CNBD1: variants seen among roughly 807,000 people sequenced by gnomAD.
CNBD1 encodes the protein cyclic nucleotide-binding domain-containing protein 1.
A neutral mutation model predicts 54.4 loss-of-function variants in CNBD1; 71 were observed. That is an observed-to-expected ratio of 1.30 (90% confidence interval 1.08 to 1.59). The LOEUF (loss-of-function observed/expected upper bound fraction) is 1.59, where lower values mean the gene tolerates loss of function less well. Ranked by LOEUF, CNBD1 falls within the 40% of genes most tolerant of loss-of-function variation. The pLI is 0.00. For missense variants in CNBD1, 659 were observed against 518.0 expected (o/e 1.27, Z -2.64); for synonymous variants, 182 against 170.7 (o/e 1.07, Z -0.51).
At chr8:87,327,624 G>T (rs376703920) in intron 8 of CNBD1, among the ~76,000 whole-genome samples, 8 of 152,300 alleles carry the variant, frequency 5.3e-5, no homozygotes, top group East Asian at 1.9e-4. Flanking sequence ...GACCCCTTGC[G>T]CTTCCCAGGT....
intron 10 of CNBD1, among the ~76,000 whole-genome samples, chr8:87,358,114 C>G (rs1645224559): frequency 1.3e-5 from 2 of 152,162 alleles, no homozygotes; most frequent in South Asian, 2.1e-4. Flanking sequence ...TGGTGCCATG[C>G]TTGTACAACT....
At chr8:87,057,267 A>C (rs1810435564) in intron 4 of CNBD1, among the ~76,000 whole-genome samples, 1 of 152,146 alleles carries the variant, frequency 6.6e-6, no homozygotes, top group African/African-American at 2.4e-5. Context: ...ATGGTGGAAA[A>C]GGAAGCAAAC....
chr8:87,243,997 G>T (rs576165992), intron 6 of CNBD1, among the ~76,000 whole-genome samples: 122 of 152,134 alleles, frequency 8.0e-4, no homozygotes, highest in African/African-American at 2.9e-3. Flanking sequence ...TTTGAGACAG[G>T]TCTCAGTTAA....
At chr8:87,281,522 C>T (rs1239489500) in intron 6 of CNBD1, among the ~76,000 whole-genome samples, 1 of 111,804 alleles carries the variant, frequency 8.9e-6, no homozygotes, top group South Asian at 3.1e-4. Flanking sequence ...TTTTTTTCAT[C>T]AGAATTCTTC....
At chr8:87,363,583 A>G (rs1051453165) in intron 10 of CNBD1, among the ~76,000 whole-genome samples, 3 of 151,944 alleles carry the variant, frequency 2.0e-5, no homozygotes, top group African/African-American at 7.3e-5. Context: ...TGTGGTTTTG[A>G]TTTGCATTTC....
At chr8:87,401,354 T>G (rs183871184) in intron 2 of CNBD1, among the ~76,000 whole-genome samples, 12 of 152,064 alleles carry the variant, frequency 7.9e-5, no homozygotes, top group African/African-American at 2.9e-4. Flanking sequence ...AAGGGGAAAG[T>G]GTCAATGCCC....
At chr8:87,189,406 G>C (rs1049227699) in intron 4 of CNBD1, among the ~76,000 whole-genome samples, 1 of 152,034 alleles carries the variant, frequency 6.6e-6, no homozygotes, top group Non-Finnish European at 1.5e-5. Flanking sequence ...TGTGCAGTTG[G>C]CAGACAAGCC....
intron 4 of CNBD1, among the ~76,000 whole-genome samples, chr8:87,184,176 G>T (rs1407283054): frequency 6.6e-6 from 1 of 152,142 alleles, no homozygotes; most frequent in African/African-American, 2.4e-5. Flanking sequence ...GTGCCAGCAG[G>T]GATTCATCTG....
chr8:86,894,634 A>C (rs906412375), intron 2 of CNBD1, among the ~76,000 whole-genome samples: 11 of 152,170 alleles, frequency 7.2e-5, no homozygotes, highest in Non-Finnish European at 1.6e-4. Context: ...ACGTGTGTTC[A>C]ATGTTACAGA....
intron 5 of CNBD1, among the ~76,000 whole-genome samples, chr8:87,212,937 T>C (rs1162747743): frequency 6.6e-6 from 1 of 152,150 alleles, no homozygotes; most frequent in Non-Finnish European, 1.5e-5. Flanking sequence ...TGGAACACAG[T>C]ACTTGCAAAT....
chr8:87,331,752 A>T (rs1809837268), intron 8 of CNBD1, among the ~76,000 whole-genome samples: 1 of 152,206 alleles, frequency 6.6e-6, no homozygotes. Flanking sequence ...AATAATTGCC[A>T]TTCTGACTGG....
At position 87,166,887 on chromosome 8, in the gene CNBD1, A is replaced by AT. The variant is rs200282504; in HGVS notation, c.432-39099dup. ...AGTATAGTATGTAACTATATATTTA[A>AT]TTTTTTTATTACAAAGGGAATTATA... On this transcript the variant is annotated intron_variant, in intron 4 of 10. Coordinates refer to ENST00000518476, the MANE Select transcript of CNBD1 (RefSeq NM_173538.3). This position sits in a 1 kb window ranked among gnomAD's most constrained non-coding sequence, Gnocchi z 4.3. Among the ~76,000 whole-genome samples the AT allele has an allele frequency of 0.031, 4,628 of 151,674 alleles. 233 individuals are homozygous for AT. Among genetic ancestry groups the AT allele is most frequent in the African/African-American group, 0.1 (4,230 of 41,228 alleles).
intron 4 of CNBD1, among the ~76,000 whole-genome samples, chr8:87,115,889 G>C (rs917396876): frequency 2.0e-5 from 3 of 151,966 alleles, no homozygotes; most frequent in African/African-American, 7.3e-5. Flanking sequence ...ACTGTGCATC[G>C]GGCCTTCTGT....
chr8:86,962,128 A>G (rs1326068467), intron 4 of CNBD1, among the ~76,000 whole-genome samples: 2 of 152,188 alleles, frequency 1.3e-5, no homozygotes, highest in Non-Finnish European at 2.9e-5. Flanking sequence ...AAATGAATCA[A>G]TGATGCCTCC....
At position 87,077,412 on chromosome 8, in the gene CNBD1, CTTT is replaced by C. The variant is rs374931620; in HGVS notation, c.432-128565_432-128563del. ...TCTTAGGCCTCTTCTTCTTCTTCTT[CTTT>C]TTTTTTTTTTTTTTTATTATACTTT... On this transcript the variant is annotated intron_variant, in intron 4 of 10. Coordinates refer to ENST00000518476, the MANE Select transcript of CNBD1 (RefSeq NM_173538.3). Among the ~76,000 whole-genome samples the C allele has an allele frequency of 2.5e-3, 327 of 129,556 alleles. 1 individual carries two copies. The highest frequency in any genetic ancestry group is 8.5e-3 in the African/African-American group (297 of 35,024). 85.0% of individuals were successfully genotyped at this position (129,556 alleles called of 152,430 possible).
chr8:87,311,386 A>T (rs1171382264), intron 8 of CNBD1, among the ~76,000 whole-genome samples: 1 of 152,172 alleles, frequency 6.6e-6, no homozygotes, highest in East Asian at 1.9e-4. Flanking sequence ...TGCAAATCAA[A>T]ACAACTAGGA....
At chr8:86,996,734 A>C (rs1027463616) in intron 4 of CNBD1, among the ~76,000 whole-genome samples, 2 of 152,244 alleles carry the variant, frequency 1.3e-5, no homozygotes, top group South Asian at 2.1e-4. Context: ...GAGTTTAAAC[A>C]ACTATGTATT....
At chr8:86,927,970 G>T (rs903682624) in intron 3 of CNBD1, among the ~76,000 whole-genome samples, 5 of 152,008 alleles carry the variant, frequency 3.3e-5, no homozygotes, top group Admixed American at 6.6e-5. Flanking sequence ...TTTAACTCGG[G>T]TGTGGTGAAT....
At chr8:86,884,160 A>C (rs1181987875) in intron 1 of CNBD1, among the ~76,000 whole-genome samples, 8 of 149,456 alleles carry the variant, frequency 5.4e-5, no homozygotes, top group Non-Finnish European at 1.0e-4. Flanking sequence ...TCAAAACAAA[A>C]CAAAACAAAA....
Sources: allele counts gnomAD v4.1 joint callset (sites outside exome capture counted in the v4.1 genomes callset), GRCh38; gene constraint gnomAD v4.1.1; non-coding constraint Gnocchi (gnomAD v3.1); transcripts MANE v1.5; gene names NCBI Gene and HGNC (gene_info 2026-07-23, HGNC 2026-07-21).